The following GRID2 variants were observed in gnomAD, a reference collection of about 807,000 sequenced individuals.
GRID2 encodes glutamate receptor ionotropic, delta-2.
Under a neutral mutation model 114.8 loss-of-function variants are expected in GRID2, and 33 were observed. That is an observed-to-expected ratio of 0.29 (90% CI 0.22 to 0.38). GRID2 has a LOEUF of 0.38. Ranked by LOEUF, GRID2 falls within the 10% of genes least tolerant of loss-of-function variation. GRID2 has a pLI of 1.00. For missense variants in GRID2, 1,184 were observed against 1,257.7 expected, an observed-to-expected ratio of 0.94 and a Z score of 0.89; for synonymous variants, 505 against 449.9, an observed-to-expected ratio of 1.12 and a Z score of -1.55.
At chr4:92,522,140 T>C (rs1461287177) in intron 1 of GRID2, among the ~76,000 whole-genome samples, 4 of 151,666 alleles carry the variant, frequency 2.6e-5, no homozygotes, top group Non-Finnish European at 5.9e-5. Flanking sequence ...GAAGGTGATA[T>C]ATGAGCGAAT....
chr4:93,214,653 C>T (rs1743973737), intron 5 of GRID2, among the ~76,000 whole-genome samples: 1 of 152,016 alleles, frequency 6.6e-6, no homozygotes, highest in African/African-American at 2.4e-5. Flanking sequence ...TTCAAACTGA[C>T]ATTTCTTCAG....
chr4:92,528,656 G>A (rs1725158390), intron 1 of GRID2, among the ~76,000 whole-genome samples: 1 of 151,858 alleles, frequency 6.6e-6, no homozygotes, highest in African/African-American at 2.4e-5. Context: ...TAAGCAGGCA[G>A]AGCATACATA....
At chr4:93,383,092 T>A (rs1764013582) in intron 8 of GRID2, among the ~76,000 whole-genome samples, 3 of 152,104 alleles carry the variant, frequency 2.0e-5, no homozygotes, top group Admixed American at 2.0e-4. Context: ...GTATTTAATG[T>A]CTACCTCCAA....
In GRID2 at chr4:93,066,889, G is replaced by A. The variant is rs78368711; in HGVS notation, c.245-18106G>A. On this transcript the variant is annotated intron_variant, in intron 2 of 15. Coordinates refer to ENST00000282020, the MANE Select transcript of GRID2 (RefSeq NM_001510.4). ...TTTTACTTAATAATGGAGACAGTCTGTCTTATAACCCAGATGGCTACTATG... is the reference window on the plus strand; with the variant it reads ...TTTTACTTAATAATGGAGACAGTCTATCTTATAACCCAGATGGCTACTATG... 5.3e-5 allele frequency among the ~76,000 whole-genome samples: 8 copies of A among 151,930 alleles called. No homozygotes were observed. In the East Asian group the frequency reaches 1.5e-3, roughly 29 times the overall value.
At chr4:92,991,723 A>C (rs2149204520) in intron 2 of GRID2, among the ~76,000 whole-genome samples, 1 of 152,322 alleles carries the variant, frequency 6.6e-6, no homozygotes, top group East Asian at 1.9e-4. Context: ...TTAATGAATA[A>C]AAACTAAATT....
chr4:93,484,099 TC>T (rs1364560350), intron 11 of GRID2, among the ~76,000 whole-genome samples: 1 of 151,922 alleles, frequency 6.6e-6, no homozygotes, highest in Non-Finnish European at 1.5e-5. Flanking sequence ...CTTATTTTCT[TC>T]TTTTATTTAG....
intron 13 of GRID2, among the ~76,000 whole-genome samples, chr4:93,561,550 A>G (rs1734928258): frequency 6.6e-6 from 1 of 152,102 alleles, no homozygotes; most frequent in African/African-American, 2.4e-5. Context: ...TTATCGTCCA[A>G]AGTCCACAGT....
intron 14 of GRID2, among the ~76,000 whole-genome samples, chr4:93,743,515 G>A (rs752408152): frequency 6.6e-6 from 1 of 152,138 alleles, no homozygotes; most frequent in East Asian, 1.9e-4. Context: ...GATTCTTCTC[G>A]CTGGAAGATT....
intron 1 of GRID2, among the ~76,000 whole-genome samples, chr4:92,385,312 T>G (rs1010527287): frequency 2.0e-5 from 3 of 151,040 alleles, no homozygotes; most frequent in African/African-American, 7.4e-5. Context: ...TTTCTACAAA[T>G]TGTCAGTGTT....
chr4:93,472,331 A>C (rs534976276), intron 11 of GRID2, among the ~76,000 whole-genome samples: 231 of 152,176 alleles, frequency 1.5e-3, no homozygotes, highest in African/African-American at 5.2e-3. Context: ...CTCAAAAAAA[A>C]AGTTATAATT....
intron 2 of GRID2, among the ~76,000 whole-genome samples, chr4:92,807,097 C>G (rs543917463): frequency 1.3e-5 from 2 of 151,972 alleles, no homozygotes; most frequent in East Asian, 3.9e-4. Flanking sequence ...AATATTGTTC[C>G]AAATTTCAGG....
chr4:92,830,732 T>C (rs1252454227), intron 2 of GRID2, among the ~76,000 whole-genome samples: 1 of 152,226 alleles, frequency 6.6e-6, no homozygotes, highest in African/African-American at 2.4e-5. Flanking sequence ...GTTTTCTTTC[T>C]AATTTTATGG....
intron 14 of GRID2, among the ~76,000 whole-genome samples, chr4:93,671,154 G>A (rs1724375753): frequency 1.3e-5 from 2 of 152,194 alleles, no homozygotes; most frequent in Non-Finnish European, 2.9e-5. Flanking sequence ...GACAGAACCA[G>A]TTTCAGAGTG....
intron 1 of GRID2, among the ~76,000 whole-genome samples, chr4:92,486,720 ACT>A (rs931639781): frequency 6.6e-6 from 1 of 151,982 alleles, no homozygotes; most frequent in African/African-American, 2.4e-5. Flanking sequence ...TATATAAGAA[ACT>A]CTACAACTGA....
At chr4:92,669,019 T>A (rs1226735249) in intron 2 of GRID2, among the ~76,000 whole-genome samples, 15 of 151,866 alleles carry the variant, frequency 9.9e-5, no homozygotes, top group Non-Finnish European at 1.5e-5. Context: ...TGACTTTGTT[T>A]CTTCACTCTT....
intron 2 of GRID2, among the ~76,000 whole-genome samples, chr4:92,841,150 C>T (rs1742862337): frequency 6.6e-6 from 1 of 152,026 alleles, no homozygotes; most frequent in Admixed American, 6.6e-5. Context: ...TAATTGCTTT[C>T]ACCACATAAT....
intron 1 of GRID2, among the ~76,000 whole-genome samples, chr4:92,321,586 C>T (rs966184315): frequency 8.5e-5 from 13 of 152,052 alleles, no homozygotes; most frequent in African/African-American, 2.2e-4. Context: ...CTTAATAAGT[C>T]GGTCCATTGT....
At chr4:93,687,806 G>T (rs1054271515) in intron 14 of GRID2, among the ~76,000 whole-genome samples, 1 of 151,874 alleles carries the variant, frequency 6.6e-6, no homozygotes. Context: ...ATAAAGAAAT[G>T]GGGTGGTAAT....
chr4:92,706,391 A>G (rs1418666538), intron 2 of GRID2, among the ~76,000 whole-genome samples: 2 of 152,172 alleles, frequency 1.3e-5, no homozygotes, highest in Non-Finnish European at 2.9e-5. Flanking sequence ...TATTTTAATA[A>G]ATGTCATGTG....
Sources: allele counts gnomAD v4.1 joint callset (sites outside exome capture counted in the v4.1 genomes callset), GRCh38; gene constraint gnomAD v4.1.1; transcripts MANE v1.5; gene names NCBI Gene and HGNC (gene_info 2026-07-23, HGNC 2026-07-21).